PMS2: variants seen among roughly 807,000 people sequenced by gnomAD.
The protein encoded by PMS2 is PMS1 homolog 2, mismatch repair system component, also known as mismatch repair endonuclease PMS2.
A neutral mutation model predicts 90.0 loss-of-function variants in PMS2; 69 were observed. That is an observed-to-expected ratio of 0.77 (90% CI 0.63 to 0.94). The LOEUF (loss-of-function observed/expected upper bound fraction) is 0.94. Ranked by LOEUF, PMS2 falls within the 40% of genes least tolerant of loss-of-function variation. The probability of loss-of-function intolerance (pLI) is 0.00; values close to 1 mark genes in which losing one functional copy is unlikely to be tolerated. For missense variants in PMS2, 966 were observed against 1,040.2 expected, an observed-to-expected ratio of 0.93 and a Z score of 0.98; for synonymous variants, 332 against 375.1, an observed-to-expected ratio of 0.89 and a Z score of 1.33.
chr7:5,989,835 A>T lies in PMS2; in HGVS notation c.1109T>A (p.Leu370Gln), dbSNP rs1338014748. The T allele has an allele frequency of 6.2e-7, 1 of 1,613,040 alleles. No homozygotes were observed. Among genetic ancestry groups the T allele is most frequent in the Non-Finnish European group, 8.5e-7 (1 of 1,179,322 alleles). Residue 370 changes from leucine to glutamine, a missense_variant, in exon 10 of 15, where the codon CTA (leucine) becomes CAA (glutamine). Around this residue, in one of 2 missense-constraint regions of PMS2, gnomAD observed 871 missense variants for 802.4 expected, o/e 1.09. Transcript: ENST00000265849. ...IGMFDSDVNK[L>Q]NVSQQPLLDV... Reference sequence around the variant, plus strand: ...CAGCAGTGGCTGCTGACTGACATTTAGCTTGTTGACATCACTATCAAACAT... The same window carrying T: ...CAGCAGTGGCTGCTGACTGACATTTTGCTTGTTGACATCACTATCAAACAT...
At chr7:5,983,376 TG>T (rs976153074) in intron 11 of PMS2, among the ~76,000 whole-genome samples, 3 of 151,520 alleles carry the variant, frequency 2.0e-5, no homozygotes, top group Admixed American at 2.0e-4. Flanking sequence ...CCCAAAGTGC[TG>T]GGATTACAGG....
intron 6 of PMS2, among the ~76,000 whole-genome samples, chr7:5,998,822 T>C (rs1784741533): frequency 6.6e-6 from 1 of 151,692 alleles, no homozygotes; most frequent in Non-Finnish European, 1.5e-5. Flanking sequence ...AAACCCCGTC[T>C]CTACTAAAGA....
At chr7:5,992,103 C>T (rs1244215989) in intron 8 of PMS2, 46 bp from the exon 9 acceptor site, 3 of 991,482 alleles carry the variant, frequency 3.0e-6, no homozygotes, top group Non-Finnish European at 1.6e-6. Flanking sequence ...ACAAATGTTC[C>T]CAGCCCCCCG....
At chr7:5,999,981 G>A (rs935915262) in intron 5 of PMS2, among the ~76,000 whole-genome samples, 5 of 152,114 alleles carry the variant, frequency 3.3e-5, no homozygotes, top group Non-Finnish European at 7.3e-5. Flanking sequence ...GCATCATTGA[G>A]GAGTTGATTA....
chr7:5,998,282 A>G (rs1784657740), intron 6 of PMS2, among the ~76,000 whole-genome samples: 1 of 150,964 alleles, frequency 6.6e-6, no homozygotes, highest in Non-Finnish European at 1.5e-5. Context: ...GGGTTTCACC[A>G]TATTGATCAG....
intron 3 of PMS2, 37 bp downstream of exon 3, chr7:6,003,935 A>C: frequency 1.4e-6 from 2 of 1,403,622 alleles, no homozygotes; most frequent in South Asian, 1.2e-5. Flanking sequence ...CATGTGACCC[A>C]ATTATTTTAT....
chr7:5,986,754 TTTACC>T lies in PMS2; in HGVS notation c.2006_2006+4del, dbSNP rs771928911. ...AAGAGAAAAAGTAAAAAATTAAAAC[TTTACC>T]TTATCTCTTTTCTTAGTTCATCTTC... is the stretch of plus-strand genomic sequence containing the variant. On this transcript the variant is annotated splice_donor_variant and splice_donor_region_variant and coding_sequence_variant and intron_variant, in exon 11 of 15. Coordinates refer to ENST00000265849, the MANE Select transcript of PMS2 (RefSeq NM_000535.7). LOFTEE classifies it high-confidence loss of function. The T allele has an allele frequency of 6.3e-7, 1 of 1,575,422 alleles. No individual in the cohort carries two copies. The highest frequency in any genetic ancestry group is 8.6e-7 in the Non-Finnish European group (1 of 1,165,698).
chr7:5,985,713 C>T (rs1436517677), intron 11 of PMS2, among the ~76,000 whole-genome samples: 2 of 149,872 alleles, frequency 1.3e-5, no homozygotes, highest in South Asian at 2.1e-4. Context: ...ACCACCATAT[C>T]CCACTAATTT....
chr7:5,985,597 A>G (rs1489472502), intron 11 of PMS2, among the ~76,000 whole-genome samples: 2 of 142,672 alleles, frequency 1.4e-5, no homozygotes, highest in African/African-American at 5.3e-5. Flanking sequence ...CTTGTTGCCC[A>G]GGCTGGAGTG....
At chr7:5,991,632 G>T (rs1783739556) in intron 9 of PMS2, among the ~76,000 whole-genome samples, 1 of 151,834 alleles carries the variant, frequency 6.6e-6, no homozygotes, top group Non-Finnish European at 1.5e-5. Flanking sequence ...GAGGTCAGGA[G>T]ATCGAGACCA....
At chr7:5,995,738 G>T in intron 7 of PMS2, 105 bp from the exon 8 acceptor site, 1 of 816,794 alleles carries the variant, frequency 1.2e-6, no homozygotes, top group Non-Finnish European at 2.2e-6. Flanking sequence ...AACACCAGGT[G>T]ACATGCTGAT....
intron 11 of PMS2, among the ~76,000 whole-genome samples, chr7:5,983,405 G>T (rs953670722): frequency 1.3e-5 from 2 of 151,390 alleles, no homozygotes; most frequent in South Asian, 4.2e-4. Context: ...CACTGCGTTC[G>T]GCTTAACCAT....
chr7:5,988,009 C>T (rs4036488), intron 10 of PMS2, among the ~76,000 whole-genome samples: 23,090 of 143,870 alleles, frequency 0.16, 1,682 homozygotes, highest in East Asian at 0.31. Flanking sequence ...GCCAAGATGC[C>T]ACCACTGCTC....
At chr7:5,998,880 C>T (rs1784751507) in intron 6 of PMS2, among the ~76,000 whole-genome samples, 1 of 151,676 alleles carries the variant, frequency 6.6e-6, no homozygotes, top group East Asian at 1.9e-4. Context: ...AATCCCACTA[C>T]TCGGGAGGCT....
At chr7:5,995,776 T>C (rs930650738) in intron 7 of PMS2, 143 bp from the exon 8 acceptor site, 19 of 696,546 alleles carry the variant, frequency 2.7e-5, no homozygotes, top group African/African-American at 7.1e-5. Context: ...TTCACGGGTA[T>C]CTGTGCTCCA....
rs1463579581 is a variant in PMS2 at position 6,006,876 on chromosome 7, T to C, written c.24-845A>G. Among the ~76,000 whole-genome samples the C allele has an allele frequency of 2.6e-5, 4 of 152,094 alleles. No homozygotes were observed. The South Asian group carries it at 8.3e-4, about 31-fold the overall frequency. On this transcript the variant is annotated intron_variant, in intron 1 of 14. Transcript: ENST00000265849. ...AGCTTTAAGAGTTTTATAAAGGTTT[T>C]ATCTCCCCTTATTCCCTGCTCCAAT...
In PMS2 at chr7:6,008,614, T is replaced by C. The variant is rs1260997173; in HGVS notation, c.23+383A>G. 4.0e-5 allele frequency among the ~76,000 whole-genome samples: 6 copies of C among 151,714 alleles called. No homozygotes were observed. In the East Asian group the frequency reaches 1.2e-3, roughly 29 times the overall value. The stretch of plus-strand genomic sequence containing the variant: ...AAAAAAAATTAAAAATAAAATACTA[T>C]AAAAATAAAAATAAAAGGGGAGAGA... On this transcript the variant is annotated intron_variant, in intron 1 of 14. Coordinates refer to ENST00000265849, the MANE Select transcript of PMS2 (RefSeq NM_000535.7).
At chr7:6,005,871 T>A (rs2128843260) in intron 2 of PMS2, 21 bp downstream of exon 2, 1 of 1,610,750 alleles carries the variant, frequency 6.2e-7, no homozygotes, top group Middle Eastern at 2.3e-4. Context: ...TTCTTGTGGC[T>A]TAAAACTCTC....
At chr7:6,006,233 G>C (rs1785751065) in intron 1 of PMS2, among the ~76,000 whole-genome samples, 1 of 152,110 alleles carries the variant, frequency 6.6e-6, no homozygotes, top group Non-Finnish European at 1.5e-5. Flanking sequence ...AATACTTCTG[G>C]ATAGATACTT....
Sources: allele counts gnomAD v4.1 joint callset (sites outside exome capture counted in the v4.1 genomes callset), GRCh38; gene constraint gnomAD v4.1.1; regional missense constraint gnomAD v4.1.1; transcripts MANE v1.5; gene names NCBI Gene and HGNC (gene_info 2026-07-23, HGNC 2026-07-21).